The following GRIK2 variants were observed in gnomAD, a reference collection of about 807,000 sequenced individuals.
The protein encoded by GRIK2 is glutamate receptor ionotropic, kainate 2.
In GRIK2, 32 loss-of-function variants were observed where a neutral mutation model predicts 100.3. The observed-to-expected ratio is 0.32, with a 90% CI of 0.24 to 0.43. The LOEUF is 0.43. GRIK2 is among the 20% of genes least tolerant of loss of function. The pLI is 1.00. For synonymous variants in GRIK2, 417 were observed against 389.4 expected (o/e 1.07, Z -0.83); for missense variants, 843 against 1,114.9 (o/e 0.76, Z 3.47).
At chr6:101,817,419 G>T (rs1192500094) in intron 9 of GRIK2, among the ~76,000 whole-genome samples, 1 of 152,068 alleles carries the variant, frequency 6.6e-6, no homozygotes, top group African/African-American at 2.4e-5. Context: ...AAAATAAGTT[G>T]GATACTTGTC....
At chr6:101,437,450 A>T (rs939560892) in intron 2 of GRIK2, among the ~76,000 whole-genome samples, 1 of 152,124 alleles carries the variant, frequency 6.6e-6, no homozygotes, top group East Asian at 1.9e-4. Context: ...ATTTCCATTT[A>T]CTTCAAAGAT....
intron 2 of GRIK2, among the ~76,000 whole-genome samples, chr6:101,538,185 T>C (rs1313848798): frequency 6.6e-6 from 1 of 151,756 alleles, no homozygotes; most frequent in Non-Finnish European, 1.5e-5. Context: ...CTCAAGATGC[T>C]ATGATGCTCA....
intron 14 of GRIK2, among the ~76,000 whole-genome samples, chr6:101,951,956 T>C (rs1252422129): frequency 6.6e-6 from 1 of 152,128 alleles, no homozygotes; most frequent in East Asian, 1.9e-4. Flanking sequence ...TGAAAAGCAA[T>C]AGGACATTAT....
At chr6:101,477,767 T>C (rs1464974396) in intron 2 of GRIK2, among the ~76,000 whole-genome samples, 2 of 152,146 alleles carry the variant, frequency 1.3e-5, no homozygotes, top group Non-Finnish European at 2.9e-5. Context: ...GTATGTTTCA[T>C]TCTTAGAGAC....
At chr6:101,667,084 G>A (rs1770086281) in intron 4 of GRIK2, among the ~76,000 whole-genome samples, 1 of 152,102 alleles carries the variant, frequency 6.6e-6, no homozygotes, top group Non-Finnish European at 1.5e-5. Flanking sequence ...GATTCAGCCT[G>A]AATCTGCCTG....
chr6:101,976,736 T>G (rs1319710231), intron 14 of GRIK2, among the ~76,000 whole-genome samples: 1 of 150,960 alleles, frequency 6.6e-6, no homozygotes, highest in Non-Finnish European at 1.5e-5. Flanking sequence ...AGAATAGAGG[T>G]AAGTGACATT....
chr6:101,955,476 G>A (rs745948674), intron 14 of GRIK2, among the ~76,000 whole-genome samples: 1 of 151,856 alleles, frequency 6.6e-6, no homozygotes, highest in Non-Finnish European at 1.5e-5. Flanking sequence ...ACAAAGTGAG[G>A]TGAGTTCCCA....
At chr6:101,764,267 T>C (rs1393606298) in intron 7 of GRIK2, among the ~76,000 whole-genome samples, 2 of 152,166 alleles carry the variant, frequency 1.3e-5, no homozygotes, top group Admixed American at 6.6e-5. Flanking sequence ...CTTTGAGCCA[T>C]GAACTCATGT....
intron 7 of GRIK2, among the ~76,000 whole-genome samples, chr6:101,722,346 G>A (rs1199802206): frequency 6.6e-6 from 1 of 151,920 alleles, no homozygotes; most frequent in African/African-American, 2.4e-5. Context: ...TGACCTTATA[G>A]TGCTATATTG....
At chr6:101,835,627 C>A (rs569241335) in intron 10 of GRIK2, among the ~76,000 whole-genome samples, 2 of 150,590 alleles carry the variant, frequency 1.3e-5, no homozygotes, top group Non-Finnish European at 3.0e-5. Context: ...CCCGCCACCA[C>A]GCCTGGCTAA....
At chr6:102,011,156 C>T (rs946713187) in intron 14 of GRIK2, among the ~76,000 whole-genome samples, 1 of 152,100 alleles carries the variant, frequency 6.6e-6, no homozygotes. Context: ...TTTTGCATTC[C>T]CACTAGCAAT....
chr6:101,686,393 A>C (rs747881723), intron 7 of GRIK2, 40 bp downstream of exon 7: 1 of 1,473,348 alleles, frequency 6.8e-7, no homozygotes, highest in Non-Finnish European at 9.5e-7. Flanking sequence ...TGTGTTTCTA[A>C]ATAGTATTGC....
chr6:101,995,831 T>C (rs1794623211), intron 14 of GRIK2, among the ~76,000 whole-genome samples: 1 of 151,972 alleles, frequency 6.6e-6, no homozygotes, highest in Admixed American at 6.6e-5. Flanking sequence ...TGGTCATACC[T>C]ATTCACAAAA....
chr6:101,457,251 G>A (rs535992500), intron 2 of GRIK2, among the ~76,000 whole-genome samples: 341 of 152,126 alleles, frequency 2.2e-3, no homozygotes, highest in Non-Finnish European at 4.2e-3. Flanking sequence ...TATAAACTAG[G>A]TAATTGTAAG....
At chr6:101,924,850 G>A (rs1789785254) in intron 13 of GRIK2, 131 bp downstream of exon 13, 1 of 639,680 alleles carries the variant, frequency 1.6e-6, no homozygotes, top group Non-Finnish European at 2.9e-6. Flanking sequence ...CTTTTCCATC[G>A]ACCTAATGCA....
At chr6:101,928,302 T>A (rs533279299) in intron 13 of GRIK2, 113 bp from the exon 14 acceptor site, 4 of 648,168 alleles carry the variant, frequency 6.2e-6, no homozygotes. Context: ...TATGTAAATC[T>A]TTGATTTAAG....
At chr6:101,400,538 G>A (rs1234771214) in intron 2 of GRIK2, among the ~76,000 whole-genome samples, 3 of 152,212 alleles carry the variant, frequency 2.0e-5, no homozygotes, top group East Asian at 1.9e-4. Flanking sequence ...AGGACACCAT[G>A]TAATCCTGAG....
At chr6:101,737,106 T>A in intron 7 of GRIK2, among the ~76,000 whole-genome samples, 1 of 152,172 alleles carries the variant, frequency 6.6e-6, no homozygotes, top group East Asian at 1.9e-4. Context: ...CTTGATTTCA[T>A]TGTCCATATC....
At chr6:101,603,248 G>T (rs1004171694) in intron 2 of GRIK2, among the ~76,000 whole-genome samples, 4 of 151,572 alleles carry the variant, frequency 2.6e-5, no homozygotes, top group African/African-American at 9.7e-5. Flanking sequence ...CCCTTATGTT[G>T]ACATCAAGCC....
Sources: allele counts gnomAD v4.1 joint callset (sites outside exome capture counted in the v4.1 genomes callset), GRCh38; gene constraint gnomAD v4.1.1; transcripts MANE v1.5; gene names NCBI Gene and HGNC (gene_info 2026-07-23, HGNC 2026-07-21).